The following CDH23 variants were observed in gnomAD, a reference collection of about 807,000 sequenced individuals.
CDH23 encodes cadherin-23.
Under a neutral mutation model 317.1 loss-of-function variants are expected in CDH23, and 189 were observed. The observed-to-expected ratio is 0.60, with a 90% CI of 0.53 to 0.67. The LOEUF (loss-of-function observed/expected upper bound fraction) is 0.67, where lower values mean the gene tolerates loss of function less well. Ranked by LOEUF, CDH23 falls within the 30% of genes least tolerant of loss-of-function variation. The pLI is 0.00. For missense variants in CDH23, 4,401 were observed against 4,592.4 expected (o/e 0.96, Z 1.20); for synonymous variants, 1,839 against 1,876.8 (o/e 0.98, Z 0.52).
At chr10:71,647,023 C>T (rs1428654220) in intron 14 of CDH23, 3 of 985,334 alleles carry the variant, frequency 3.0e-6, no homozygotes, top group Non-Finnish European at 3.6e-6. Flanking sequence ...GGTACCGGGG[C>T]ACCCCCAGCT....
chr10:71,517,875 T>C (rs1290837518), intron 6 of CDH23, among the ~76,000 whole-genome samples: 1 of 151,408 alleles, frequency 6.6e-6, no homozygotes, highest in African/African-American at 2.4e-5. Context: ...CACCCTGAGG[T>C]GCCTGCCCTT....
At chr10:71,501,204 C>T (rs1853311891) in intron 3 of CDH23, among the ~76,000 whole-genome samples, 1 of 152,180 alleles carries the variant, frequency 6.6e-6, no homozygotes, top group South Asian at 2.1e-4. Flanking sequence ...AACAGGGATG[C>T]TAACCCCTCT....
At chr10:71,770,351 A>G (rs1840658536) in intron 38 of CDH23, among the ~76,000 whole-genome samples, 2 of 152,266 alleles carry the variant, frequency 1.3e-5, no homozygotes, top group African/African-American at 4.8e-5. Flanking sequence ...TAACTTGTCC[A>G]ATATCACAGA....
chr10:71,408,797 G>A (rs1285137820), intron 1 of CDH23, among the ~76,000 whole-genome samples: 1 of 152,228 alleles, frequency 6.6e-6, no homozygotes, highest in Non-Finnish European at 1.5e-5. Context: ...GGTGTCAGGG[G>A]CAAGGGCAGA....
rs368305683 is a variant in CDH23 at position 71,793,493 on chromosome 10, C to T, written c.6565C>T (p.Pro2189Ser). 11 of 1,613,870 alleles carry T rather than the reference C, an allele frequency of 6.8e-6. No homozygotes were observed. The African/African-American group carries it at 1.1e-4, about 16-fold the overall frequency. ...AGTGAGCGTGCTGGAGTCGGCTGAG[C>T]CAGGCACTGTCATTGCCAATATCAC... ...QTVSVLESAE[P>S]GTVIANITAI... is the part of the protein sequence containing the mutation. The change falls in exon 48 of 70, where the codon CCA becomes TCA. Residue 2189 changes from proline to serine, a missense_variant. Around this residue, in one of 3 missense-constraint regions of CDH23, gnomAD observed 3,068 missense variants for 3,203.3 expected, o/e 0.96. Coordinates refer to ENST00000224721, the MANE Select transcript of CDH23 (RefSeq NM_022124.6).
chr10:71,799,024 C>A, intron 50 of CDH23, 87 bp from the exon 51 acceptor site: 1 of 1,314,192 alleles, frequency 7.6e-7, no homozygotes, highest in East Asian at 2.3e-5. Flanking sequence ...AGCTGCCCCT[C>A]GGAGTCCAGG....
chr10:71,622,325 C>T (rs1279866655), intron 11 of CDH23, among the ~76,000 whole-genome samples: 1 of 152,206 alleles, frequency 6.6e-6, no homozygotes, highest in Non-Finnish European at 1.5e-5. Flanking sequence ...TCCCCTGCCT[C>T]ACCTCATTAA....
At chr10:71,557,390 A>T (rs1001633) in intron 6 of CDH23, among the ~76,000 whole-genome samples, 2 of 152,004 alleles carry the variant, frequency 1.3e-5, no homozygotes, top group African/African-American at 4.8e-5. Flanking sequence ...CTGTCTCAAC[A>T]TGGGCCAGCT....
intron 1 of CDH23, among the ~76,000 whole-genome samples, chr10:71,420,889 G>T (rs1374401439): frequency 6.6e-6 from 1 of 151,986 alleles, no homozygotes; most frequent in Non-Finnish European, 1.5e-5. Flanking sequence ...ACCCCCCGTC[G>T]CCTGGCTATA....
chr10:71,428,203 T>C (rs1204345636), intron 1 of CDH23, among the ~76,000 whole-genome samples: 1 of 149,504 alleles, frequency 6.7e-6, no homozygotes, highest in African/African-American at 2.5e-5. Context: ...AGTGGCACGA[T>C]CTCGGCTTAC....
intron 3 of CDH23, among the ~76,000 whole-genome samples, chr10:71,482,298 C>T (rs960861501): frequency 6.6e-6 from 1 of 152,092 alleles, no homozygotes; most frequent in Non-Finnish European, 1.5e-5. Flanking sequence ...TCTTTATTCC[C>T]TCTAGTATTG....
rs115287300 is a variant in CDH23, at chr10:71,604,474, A to T, written c.833-11030A>T. Among the ~76,000 whole-genome samples the T allele has an allele frequency of 9.6e-3, 1,456 of 152,204 alleles. 22 individuals carry two copies. Among genetic ancestry groups the T allele is most frequent in the African/African-American group, 0.033 (1,390 of 41,530 alleles). ...TTTTCTCTCTGCCATCACCCAGTCC[A>T]TGCCCTCGTCACCAGCAGGCTTTCC... On this transcript the variant is annotated intron_variant, in intron 9 of 69. Coordinates refer to ENST00000224721, the MANE Select transcript of CDH23 (RefSeq NM_022124.6).
intron 69 of CDH23, 66 bp downstream of exon 69, chr10:71,813,414 C>A: frequency 7.7e-7 from 1 of 1,290,862 alleles, no homozygotes; most frequent in Non-Finnish European, 1.1e-6. Context: ...CTGTCTCTTG[C>A]TGTCCTGCTG....
In CDH23 at chr10:71,709,265, G is replaced by A. The variant is rs957315672; in HGVS notation, c.3220+54G>A. 1.1e-5 allele frequency: 17 copies of A among 1,521,266 alleles called. 1 individual carries two copies. In the African/African-American group the frequency reaches 2.3e-4, roughly 21 times the overall value. The allele number at this position is 1,521,266 out of a possible 1,614,324, so 94.2% of individuals were successfully genotyped here. A position where few individuals can be genotyped will look rare whatever the true frequency, so the allele number is the denominator to read the frequency against. On this transcript the variant is annotated intron_variant, in intron 27 of 69. Transcript: ENST00000224721. ...CAGTGATCTGGGCAGAGTTCACACA[G>A]GGTGCCTCCCAGGAGCTGGCCTTTT...
Position 71,799,363 on chromosome 10 carries a change from A to G in CDH23, c.7224+83A>G, listed in dbSNP as rs566580063. ...GGGCATCTTCCTCTCCCACCCTGCC[A>G]GCCTCTAAGCCCCCTGGGAGTGCCC... On this transcript the variant is annotated intron_variant, in intron 51 of 69. Coordinates refer to ENST00000224721, the MANE Select transcript of CDH23 (RefSeq NM_022124.6). The G allele has an allele frequency of 1.0e-4, 168 of 1,605,862 alleles. 1 individual carries two copies. In the South Asian group the frequency reaches 1.8e-3, roughly 17 times the overall value.
At chr10:71,654,798 G>A (rs575990869) in intron 14 of CDH23, among the ~76,000 whole-genome samples, 2 of 152,300 alleles carry the variant, frequency 1.3e-5, no homozygotes, top group South Asian at 4.1e-4. Context: ...CCCCAGGGAG[G>A]CCTCTGGGGG....
intron 38 of CDH23, chr10:71,750,072 C>T (rs560637272): frequency 6.6e-6 from 1 of 152,460 alleles, no homozygotes; most frequent in Admixed American, 6.5e-5. Flanking sequence ...GCCCCCTACT[C>T]TCCTCCCCTG....
At chr10:71,462,894 T>C (rs1851074030) in intron 3 of CDH23, among the ~76,000 whole-genome samples, 2 of 152,210 alleles carry the variant, frequency 1.3e-5, no homozygotes. Flanking sequence ...AAGATACACG[T>C]GGGAGTGCTT....
chr10:71,494,879 G>GC (rs753170128), intron 3 of CDH23, among the ~76,000 whole-genome samples: 8 of 152,166 alleles, frequency 5.3e-5, no homozygotes, highest in Non-Finnish European at 1.2e-4. Context: ...ACCCAGCCCT[G>GC]CCCCTGTAAC....
Sources: gnomAD v4.1 joint callset for allele counts (sites outside exome capture counted in the v4.1 genomes callset) on GRCh38, gnomAD v4.1.1 for gene constraint, gnomAD v4.1.1 regional missense constraint, MANE v1.5 for transcripts, NCBI Gene and HGNC (gene_info 2026-07-23, HGNC 2026-07-21) for gene names.